DZIP3: variants seen among roughly 807,000 people sequenced by gnomAD.
DZIP3 encodes DAZ interacting zinc finger protein 3, also known as E3 ubiquitin-protein ligase DZIP3.
DZIP3 carries 118 observed loss-of-function variants against 162.0 expected under a neutral mutation model. That is an observed-to-expected ratio of 0.73 (90% CI 0.63 to 0.85). The LOEUF (loss-of-function observed/expected upper bound fraction) is 0.85. DZIP3 is among the 40% of genes least tolerant of loss of function. The probability of loss-of-function intolerance (pLI) is 0.00; values close to 1 mark genes in which losing one functional copy is unlikely to be tolerated. For synonymous variants in DZIP3, 438 were observed against 458.6 expected, an observed-to-expected ratio of 0.96 and a Z score of 0.57; for missense variants, 1,331 against 1,407.0, an observed-to-expected ratio of 0.95 and a Z score of 0.86.
intron 2 of DZIP3, among the ~76,000 whole-genome samples, chr3:108,606,046 A>G (rs1940347200): frequency 6.6e-6 from 1 of 152,182 alleles, no homozygotes; most frequent in African/African-American, 2.4e-5. Flanking sequence ...TTCTCACAAA[A>G]ATGTTTTATG....
intron 25 of DZIP3, among the ~76,000 whole-genome samples, chr3:108,677,169 T>C (rs887084887): frequency 6.6e-6 from 1 of 152,082 alleles, no homozygotes; most frequent in Admixed American, 6.6e-5. Context: ...CTTGAATCTT[T>C]AGTCTCTTTT....
chr3:108,602,007 C>T (rs1940046857), intron 1 of DZIP3, among the ~76,000 whole-genome samples: 2 of 152,154 alleles, frequency 1.3e-5, no homozygotes, highest in African/African-American at 2.4e-5. Flanking sequence ...TTAAAGCCTT[C>T]TTCCTAGGCA....
intron 9 of DZIP3, among the ~76,000 whole-genome samples, chr3:108,633,968 A>G (rs1942018940): frequency 1.3e-5 from 2 of 151,754 alleles, no homozygotes; most frequent in African/African-American, 2.4e-5. Context: ...GATCTATCAG[A>G]ATACTTCTGA....
intron 8 of DZIP3, among the ~76,000 whole-genome samples, chr3:108,631,200 C>T (rs904732356): frequency 4.6e-5 from 7 of 151,642 alleles, no homozygotes; most frequent in African/African-American, 1.7e-4. Flanking sequence ...TCCTCTGTTT[C>T]TCAGAACTCA....
intron 12 of DZIP3, among the ~76,000 whole-genome samples, chr3:108,639,699 A>G (rs2107627898): frequency 6.6e-6 from 1 of 151,798 alleles, no homozygotes; most frequent in South Asian, 2.1e-4. Context: ...CATTCTGGAT[A>G]GAAGTCTATC....
intron 2 of DZIP3, among the ~76,000 whole-genome samples, chr3:108,607,110 G>C (rs940701413): frequency 6.6e-6 from 1 of 152,132 alleles, no homozygotes; most frequent in Non-Finnish European, 1.5e-5. Flanking sequence ...TGGAGGAAAA[G>C]ACAGGTTTCT....
chr3:108,658,903 A>C (rs1330376851), intron 19 of DZIP3, among the ~76,000 whole-genome samples: 8 of 152,304 alleles, frequency 5.3e-5, no homozygotes, highest in Middle Eastern at 3.4e-3. Flanking sequence ...GAAATGGATA[A>C]ATTCCTCGAC....
chr3:108,626,085 T>G, intron 7 of DZIP3, 116 bp downstream of exon 7: 1 of 1,182,232 alleles, frequency 8.5e-7, no homozygotes, highest in African/African-American at 1.6e-5. Flanking sequence ...TGTTTTATCC[T>G]TTTCTTCTTT....
chr3:108,659,347 T>A (rs569784710), intron 19 of DZIP3, among the ~76,000 whole-genome samples: 1 of 151,810 alleles, frequency 6.6e-6, no homozygotes, highest in South Asian at 2.1e-4. Flanking sequence ...CATACGCAAA[T>A]CAATAAATCC....
At chr3:108,637,761 T>C (rs1942224647) in intron 12 of DZIP3, among the ~76,000 whole-genome samples, 1 of 152,192 alleles carries the variant, frequency 6.6e-6, no homozygotes, top group South Asian at 2.1e-4. Context: ...ATTATGTGAA[T>C]ACTTTCCCAT....
rs752000910 is a variant in DZIP3, at chr3:108,688,095, A to C, written c.3269A>C (p.Gln1090Pro). The C allele has an allele frequency of 3.1e-6, 5 of 1,613,016 alleles. No individual in the cohort carries two copies. Among genetic ancestry groups the C allele is most frequent in the Non-Finnish European group, 4.2e-6 (5 of 1,179,414 alleles). Reference protein sequence around the residue: ...ISQFIDPKKSQSQGKSVSNVN... With the variant: ...ISQFIDPKKSPSQGKSVSNVN... ...CAGTTTATTGACCCCAAAAAGTCTC[A>C]GGTAAAATGCAAAAACAACCAAAAA... The change falls in exon 29 of 33, where the codon CAG becomes CCG. Residue 1090 changes from glutamine (Q) to proline (P), a missense_variant and splice_region_variant. Gln to Pro is a moderately conservative substitution (Grantham distance 76). Around this residue, in one of 2 missense-constraint regions of DZIP3, gnomAD observed 1,278 missense variants for 1,317.1 expected, o/e 0.97. Transcript: ENST00000361582.
intron 8 of DZIP3, among the ~76,000 whole-genome samples, chr3:108,632,071 A>G (rs956856317): frequency 3.3e-5 from 5 of 152,076 alleles, no homozygotes; most frequent in Non-Finnish European, 7.4e-5. Context: ...AGGCTTATTT[A>G]TCATATATAC....
At position 108,629,210 on chromosome 3, in the gene DZIP3, T is replaced by C. The variant is rs1941720611; in HGVS notation, c.696+34T>C. The stretch of plus-strand genomic sequence containing the variant: ...TTATTTAAGAGTAACATTTTATTTG[T>C]AACTAATCAGAATAACCAACTATAT... On this transcript the variant is annotated intron_variant, in intron 8 of 32. Coordinates refer to ENST00000361582, the MANE Select transcript of DZIP3 (RefSeq NM_014648.4). 3 of 1,353,266 alleles carry C rather than the reference T, an allele frequency of 2.2e-6. No individual in the cohort carries two copies. The South Asian group carries it at 4.0e-5, about 18-fold the overall frequency. 83.8% of individuals were successfully genotyped at this position (1,353,266 alleles called of 1,614,324 possible).
Position 108,672,638 on chromosome 3 carries a change from C to T in DZIP3, c.2571C>T (p.Ser857=), listed in dbSNP as rs761179082. The T allele has an allele frequency of 1.3e-5, 21 of 1,611,384 alleles. No individual in the cohort carries two copies. Among genetic ancestry groups the T allele is most frequent in the Non-Finnish European group, 1.6e-5 (19 of 1,178,470 alleles). ...TYVSKLNAET[S]RALTAEVYFL... The stretch of plus-strand genomic sequence containing the variant: ...TAAGCAAACTGAACGCAGAAACTAG[C>T]AGAGCTTTAACAGCCGAGGTAACAA... The change falls in exon 23 of 33, where the codon AGC becomes AGT. Residue 857 remains serine (S), a synonymous_variant. Coordinates refer to ENST00000361582, the MANE Select transcript of DZIP3 (RefSeq NM_014648.4).
At chr3:108,664,759 G>A (rs573863953) in intron 21 of DZIP3, among the ~76,000 whole-genome samples, 28 of 152,332 alleles carry the variant, frequency 1.8e-4, no homozygotes, top group African/African-American at 6.7e-4. Flanking sequence ...CTTTCCTAAT[G>A]TCAGCAGGGC....
At chr3:108,661,271 G>A (rs1436722664) in intron 19 of DZIP3, among the ~76,000 whole-genome samples, 1 of 152,190 alleles carries the variant, frequency 6.6e-6, no homozygotes, top group African/African-American at 2.4e-5. Context: ...TTAAGGAAAT[G>A]TGGCACATAT....
chr3:108,602,824 C>T (rs1270612765), intron 1 of DZIP3: 1 of 152,164 alleles, frequency 6.6e-6, no homozygotes, highest in East Asian at 1.9e-4. Flanking sequence ...GTGTTTGCCA[C>T]ACATACCTGT....
In DZIP3 at chr3:108,624,531, A is replaced by AAC; in HGVS notation, c.456+9_456+10dup. The AAC allele has an allele frequency of 6.6e-7, 1 of 1,503,796 alleles. No individual in the cohort carries two copies. 93.2% of individuals were successfully genotyped at this position (1,503,796 alleles called of 1,614,324 possible). Reference sequence around the variant, plus strand: ...TGAAAGAGGAAAGAAAGAGGTATGTAACATGTTATTTGCCCTTTATAAATC... The same window carrying AAC: ...TGAAAGAGGAAAGAAAGAGGTATGTAACACATGTTATTTGCCCTTTATAAATC... On this transcript the variant is annotated splice_region_variant and intron_variant, in intron 6 of 32. Coordinates refer to ENST00000361582, the MANE Select transcript of DZIP3 (RefSeq NM_014648.4).
chr3:108,618,381 T>C (rs1941129012), intron 5 of DZIP3, among the ~76,000 whole-genome samples: 4 of 152,240 alleles, frequency 2.6e-5, no homozygotes, highest in Admixed American at 2.6e-4. Context: ...CACACTTCTT[T>C]AGTGTTTGCT....
Sources: allele counts gnomAD v4.1 joint callset (sites outside exome capture counted in the v4.1 genomes callset), GRCh38; gene constraint gnomAD v4.1.1; regional missense constraint gnomAD v4.1.1; transcripts MANE v1.5; gene names NCBI Gene and HGNC (gene_info 2026-07-23, HGNC 2026-07-21).